HCLS1: variants seen among roughly 807,000 people sequenced by gnomAD.
HCLS1 encodes the protein hematopoietic cell-specific Lyn substrate 1.
HCLS1 carries 44 observed loss-of-function variants against 68.6 expected under a neutral mutation model. The observed-to-expected ratio is 0.64, with a 90% confidence interval of 0.50 to 0.82. HCLS1 has a LOEUF of 0.82. Among genes scored for constraint, HCLS1 ranks in the 40% least tolerant of loss-of-function variants. HCLS1 has a pLI of 0.00. For synonymous variants in HCLS1, 217 were observed against 225.8 expected (o/e 0.96, Z 0.35); for missense variants, 602 against 612.1 (o/e 0.98, Z 0.17).
Position 121,632,416 on chromosome 3 carries a change from T to G in HCLS1, c.1156A>C (p.Arg386=). 1 of 1,614,022 alleles carries G rather than the reference T, an allele frequency of 6.2e-7. No homozygotes were observed. Among genetic ancestry groups the G allele is most frequent in the Non-Finnish European group, 8.5e-7 (1 of 1,179,934 alleles). The change falls in exon 12 of 14, where the codon AGG becomes CGG. Residue 386 remains arginine, a synonymous_variant. Coordinates refer to ENST00000314583, the MANE Select transcript of HCLS1 (RefSeq NM_005335.6). ...TCTGGTTCATCCTCCTGCTCATGCC[T>G]GTCCATCTCCTCAACGTCCTCATAG... ...NDYEDVEEMD[R]HEQEDEPEGD... is the part of the protein sequence containing the mutation.
intron 2 of HCLS1, 98 bp from the exon 3 acceptor site, chr3:121,657,450 C>T: frequency 9.9e-7 from 1 of 1,005,376 alleles, no homozygotes; most frequent in Non-Finnish European, 1.6e-6. Context: ...CCCCTGTGTC[C>T]ACTGCCTTCT....
At chr3:121,636,997 C>G in intron 7 of HCLS1, 149 bp downstream of exon 7, 1 of 637,146 alleles carries the variant, frequency 1.6e-6, no homozygotes, top group Non-Finnish European at 2.9e-6. Flanking sequence ...CTACCACCAC[C>G]TGTCCCCACA....
intron 6 of HCLS1, among the ~76,000 whole-genome samples, chr3:121,642,345 T>G (rs1210181527): frequency 6.6e-6 from 1 of 150,988 alleles, no homozygotes; most frequent in Non-Finnish European, 1.5e-5. Flanking sequence ...GGCAGTCGCC[T>G]GTAGTCCCAG....
intron 1 of HCLS1, among the ~76,000 whole-genome samples, chr3:121,659,241 C>T (rs558621097): frequency 3.9e-5 from 6 of 152,286 alleles, no homozygotes; most frequent in African/African-American, 1.2e-4. Flanking sequence ...GTGTTCTAGA[C>T]GGCCTTCCGG....
chr3:121,653,084 C>A (rs561139234), intron 3 of HCLS1, among the ~76,000 whole-genome samples: 1 of 151,890 alleles, frequency 6.6e-6, no homozygotes, highest in Non-Finnish European at 1.5e-5. Context: ...ATCTTGGGGA[C>A]GAGACCCATG....
intron 6 of HCLS1, among the ~76,000 whole-genome samples, chr3:121,639,227 T>C (rs577433573): frequency 2.6e-5 from 4 of 152,332 alleles, no homozygotes; most frequent in African/African-American, 7.2e-5. Context: ...TTGACTCTTA[T>C]ACAACACTAT....
intron 6 of HCLS1, among the ~76,000 whole-genome samples, chr3:121,642,028 C>G (rs2049205294): frequency 7.3e-6 from 1 of 137,362 alleles, no homozygotes; most frequent in African/African-American, 2.7e-5. Flanking sequence ...TGCAGTGAGC[C>G]GAGATCCAGC....
chr3:121,652,024 T>C (rs1023048580), intron 3 of HCLS1, among the ~76,000 whole-genome samples: 1 of 152,182 alleles, frequency 6.6e-6, no homozygotes, highest in Non-Finnish European at 1.5e-5. Flanking sequence ...AATAAAACTG[T>C]GACATATCCA....
chr3:121,635,207 CTT>C (rs774976646), intron 9 of HCLS1, among the ~76,000 whole-genome samples: 28 of 150,100 alleles, frequency 1.9e-4, no homozygotes, highest in Non-Finnish European at 3.8e-4. Flanking sequence ...TCTTTTCTTT[CTT>C]TCTCTCTCTC....
intron 3 of HCLS1, among the ~76,000 whole-genome samples, chr3:121,652,225 T>C (rs1194437261): frequency 2.0e-5 from 3 of 152,192 alleles, no homozygotes; most frequent in African/African-American, 7.2e-5. Context: ...ATGGGGTGTA[T>C]TGACTGCAAA....
At chr3:121,653,001 C>T (rs12491714) in intron 3 of HCLS1, among the ~76,000 whole-genome samples, 10,271 of 152,214 alleles carry the variant, frequency 0.067, 461 homozygotes, top group Middle Eastern at 0.11. Flanking sequence ...TCATCCCAAA[C>T]GCTTGGGACC....
At chr3:121,638,259 C>T (rs1003450241) in intron 6 of HCLS1, among the ~76,000 whole-genome samples, 6 of 152,130 alleles carry the variant, frequency 3.9e-5, no homozygotes, top group African/African-American at 1.4e-4. Context: ...GATAGGATCT[C>T]ACTGTGTTGC....
intron 4 of HCLS1, among the ~76,000 whole-genome samples, chr3:121,645,513 A>G (rs564883421): frequency 1.3e-5 from 2 of 152,288 alleles, no homozygotes; most frequent in South Asian, 4.1e-4. Context: ...ATAATACATA[A>G]ACATTTAAAT....
intron 5 of HCLS1, chr3:121,643,880 T>C (rs2049222370): frequency 6.6e-6 from 1 of 152,260 alleles, no homozygotes; most frequent in African/African-American, 2.4e-5. Flanking sequence ...AATTCCATCC[T>C]GATTCTAGAA....
chr3:121,637,146 C>T lies in HCLS1; in HGVS notation c.565G>A (p.Asp189Asn). 6.2e-7 allele frequency: 1 copy of T among 1,605,118 alleles called. No individual in the cohort carries two copies. Residue 189 changes from aspartate to asparagine, a missense_variant and splice_region_variant, in exon 7 of 14, where the codon GAT becomes AAT. By Grantham distance (23) the Asp-to-Asn change is conservative. Transcript: ENST00000314583. The stretch of plus-strand genomic sequence containing the variant: ...CTTCCCCCTTCCAACCCCAACTCAC[C>T]TCTCTGGGACTCGTGTTTCTCCGTC... ...GETEKHESQRDYAKGFGGQYG... is the reference protein window; with the variant it reads ...GETEKHESQRNYAKGFGGQYG...
At position 121,631,907 on chromosome 3, in the gene HCLS1, C is replaced by T. The variant is rs78618042; in HGVS notation, c.1400G>A (p.Arg467Gln). Reference protein sequence around the residue: ...DIEMVDEGWWRGRCHGHFGLF... With the variant: ...DIEMVDEGWWQGRCHGHFGLF... ...TCCAAAGTGGCCATGGCAACGTCCC[C>T]GCCACCAGCCCTCGTCCACCATCTC... The change falls in exon 14 of 14, where the codon CGG becomes CAG. Residue 467 changes from arginine to glutamine, a missense_variant. Transcript: ENST00000314583. 20 of 1,614,148 alleles carry T rather than the reference C, an allele frequency of 1.2e-5. No individual in the cohort carries two copies. The highest frequency in any genetic ancestry group is 1.1e-4 in the East Asian group (5 of 44,878).
chr3:121,635,898 G>A (rs2049146686), intron 8 of HCLS1, 94 bp from the exon 9 acceptor site: 2 of 922,152 alleles, frequency 2.2e-6, no homozygotes, highest in Non-Finnish European at 3.6e-6. Context: ...CACTATAAGA[G>A]GTATCCCTAA....
At chr3:121,634,818 G>C (rs1357451304) in intron 9 of HCLS1, among the ~76,000 whole-genome samples, 1 of 152,096 alleles carries the variant, frequency 6.6e-6, no homozygotes, top group African/African-American at 2.4e-5. Context: ...TTTTTGTAGA[G>C]AGGGGATCTT....
At chr3:121,651,657 T>G (rs1286849698) in intron 3 of HCLS1, among the ~76,000 whole-genome samples, 1 of 152,174 alleles carries the variant, frequency 6.6e-6, no homozygotes, top group Admixed American at 6.5e-5. Context: ...TGGGCTCAAG[T>G]CATCCTCCTG....
Sources: gnomAD v4.1 joint callset for allele counts (sites outside exome capture counted in the v4.1 genomes callset) on GRCh38, gnomAD v4.1.1 for gene constraint, MANE v1.5 for transcripts, NCBI Gene and HGNC (gene_info 2026-07-23, HGNC 2026-07-21) for gene names.